PYM1: variants seen among roughly 807,000 people sequenced by gnomAD.
The protein encoded by PYM1 is partner of Y14 and mago.
PYM1 carries 7 observed loss-of-function variants against 20.7 expected under a neutral mutation model. That is an observed-to-expected ratio of 0.34 (90% CI 0.19 to 0.64). The LOEUF (loss-of-function observed/expected upper bound fraction) is 0.64, where lower values mean the gene tolerates loss of function less well. Ranked by LOEUF, PYM1 falls within the 30% of genes least tolerant of loss-of-function variation. The probability of loss-of-function intolerance (pLI) is 0.74; values close to 1 mark genes in which losing one functional copy is unlikely to be tolerated. For synonymous variants in PYM1, 100 were observed against 99.2 expected (o/e 1.01, Z -0.05); for missense variants, 194 against 250.0 (o/e 0.78, Z 1.51).
chr12:55,917,513 T>C (rs1486119119), intron 1 of PYM1, among the ~76,000 whole-genome samples: 1 of 152,160 alleles, frequency 6.6e-6, no homozygotes, highest in Non-Finnish European at 1.5e-5. Context: ...TGGATGCAGC[T>C]GAGGGCCATT....
intron 1 of PYM1, among the ~76,000 whole-genome samples, chr12:55,909,129 G>C (rs1407619436): frequency 6.6e-6 from 1 of 152,102 alleles, no homozygotes; most frequent in Non-Finnish European, 1.5e-5. Flanking sequence ...GGACTTTACT[G>C]GGTGAGTAAA....
At chr12:55,915,213 TAA>T (rs1174981358) in intron 1 of PYM1, among the ~76,000 whole-genome samples, 6 of 48,978 alleles carry the variant, frequency 1.2e-4, no homozygotes, top group South Asian at 1.1e-3. Flanking sequence ...AGACTCTGCC[TAA>T]AAAAAAAAAA....
intron 1 of PYM1, chr12:55,927,142 G>A (rs1468875969): frequency 1.3e-6 from 2 of 1,551,368 alleles, no homozygotes; most frequent in African/African-American, 2.7e-5. Flanking sequence ...GGCGTGAGCG[G>A]GCTGGGGTCC....
intron 1 of PYM1, among the ~76,000 whole-genome samples, chr12:55,917,659 G>C (rs942748733): frequency 6.6e-6 from 1 of 151,836 alleles, no homozygotes; most frequent in African/African-American, 2.4e-5. Flanking sequence ...GGCGGGCACG[G>C]GTTTAAAAAC....
intron 1 of PYM1, among the ~76,000 whole-genome samples, chr12:55,921,539 T>C (rs1246199200): frequency 6.6e-6 from 1 of 151,710 alleles, no homozygotes; most frequent in Non-Finnish European, 1.5e-5. Flanking sequence ...TAAAAAAAAA[T>C]ACTCCCATAG....
chr12:55,918,092 C>CTTTTTTTTTTTTTTTTTTTTT (rs1370515001), intron 1 of PYM1, among the ~76,000 whole-genome samples: 1 of 143,412 alleles, frequency 7.0e-6, no homozygotes. Context: ...TACACATTTT[C>CTTTTTTTTTTTTTTTTTTTTT]TTTTTTTTTT....
chr12:55,926,884 A>G (rs1461401393), intron 1 of PYM1, among the ~76,000 whole-genome samples: 2 of 152,180 alleles, frequency 1.3e-5, no homozygotes, highest in African/African-American at 4.8e-5. Flanking sequence ...GGTGACCGGA[A>G]GCAGAGACCC....
intron 1 of PYM1, among the ~76,000 whole-genome samples, chr12:55,923,986 G>A (rs1389602252): frequency 6.6e-6 from 1 of 151,562 alleles, no homozygotes; most frequent in South Asian, 2.1e-4. Context: ...TGAGGCAGAA[G>A]AATCACTTGA....
chr12:55,901,779 G>T lies in PYM1; in HGVS notation c.*93C>A, dbSNP rs115925462. On this transcript the variant is annotated 3_prime_UTR_variant, in exon 3 of 3. Coordinates refer to ENST00000408946, the MANE Select transcript of PYM1 (RefSeq NM_032345.3). ...GAGGTGGAAGTAAGCCAGTATGGGG[G>T]GTACCCCTCCTGACTGCTGTTGCCC... 7.4e-4 allele frequency: 1,111 copies of T among 1,500,186 alleles called. 11 individuals carry two copies. In the African/African-American group the frequency reaches 0.014, roughly 19 times the overall value. 92.9% of individuals were successfully genotyped at this position (1,500,186 alleles called of 1,614,324 possible). A position where few individuals can be genotyped will look rare whatever the true frequency, so the allele number is the denominator to read the frequency against.
At chr12:55,909,791 T>A (rs1308849614) in intron 1 of PYM1, among the ~76,000 whole-genome samples, 2 of 152,298 alleles carry the variant, frequency 1.3e-5, no homozygotes, top group Non-Finnish European at 2.9e-5. Context: ...TTCAGTACAC[T>A]TTTTATTTTA....
At position 55,927,372 on chromosome 12, in the gene PYM1, C is replaced by T. The variant is rs925308906; in HGVS notation, c.37+353G>A. On this transcript the variant is annotated intron_variant, in intron 1 of 2. Transcript: ENST00000408946. ...AGTCCTCAGGGAGCCAAGAGAAGTT[C>T]CGAGGCACAGTCCCTCTCATCCCCA... 6.9e-6 allele frequency: 5 copies of T among 720,720 alleles called. No homozygotes were observed. In the African/African-American group the frequency reaches 8.7e-5, roughly 13 times the overall value. 44.6% of individuals were successfully genotyped at this position (720,720 alleles called of 1,614,324 possible). A position where few individuals can be genotyped will look rare whatever the true frequency, so the allele number is the denominator to read the frequency against.
rs139054187 is a variant in PYM1, at chr12:55,914,194, A to G, written c.38-10714T>C. On this transcript the variant is annotated intron_variant, in intron 1 of 2. Coordinates refer to ENST00000408946, the MANE Select transcript of PYM1 (RefSeq NM_032345.3). ...AGGACTAAAGATAGACTGTAATGAA[A>G]GGCAGAGCAGAAGCTTCTTGAATGG... 2.3e-3 allele frequency: 1,537 copies of G among 666,462 alleles called. 23 individuals carry two copies. The African/African-American group carries it at 0.024, about 10-fold the overall frequency. 41.3% of individuals were successfully genotyped at this position (666,462 alleles called of 1,614,324 possible).
chr12:55,904,922 T>C (rs1882765718), intron 1 of PYM1, among the ~76,000 whole-genome samples: 1 of 152,040 alleles, frequency 6.6e-6, no homozygotes, highest in African/African-American at 2.4e-5. Context: ...GTAGTGGTCC[T>C]CTAACTTTTT....
In PYM1 at chr12:55,904,750, G is replaced by A. The variant is rs980084243; in HGVS notation, c.38-1270C>T. Among the ~76,000 whole-genome samples the A allele has an allele frequency of 8.6e-5, 13 of 151,790 alleles. No homozygotes were observed. In the East Asian group the frequency reaches 1.6e-3, roughly 18 times the overall value. ...AAATTAGCCGGGTGTGATGGCACAC[G>A]TCTGTAATCCCAGCTACTGGGGAGG... On this transcript the variant is annotated intron_variant, in intron 1 of 2. Transcript: ENST00000408946.
At position 55,907,945 on chromosome 12, in the gene PYM1, T is replaced by TA. The variant is rs1198022538; in HGVS notation, c.38-4466dup. ...AGAGCGAGACTCCGTCTCAAAAAAA[T>TA]AAAAAATAAAAAATAAGGCTGGGCA... On this transcript the variant is annotated intron_variant, in intron 1 of 2. Coordinates refer to ENST00000408946, the MANE Select transcript of PYM1 (RefSeq NM_032345.3). Among the ~76,000 whole-genome samples, 48 of 136,570 alleles carry TA rather than the reference T, an allele frequency of 3.5e-4. 1 individual carries two copies. Among genetic ancestry groups the TA allele is most frequent in the African/African-American group, 1.3e-3 (47 of 35,678 alleles). The allele number at this position is 136,570 out of a possible 152,430, so 89.6% of individuals were successfully genotyped here. A position where few individuals can be genotyped will look rare whatever the true frequency, so the allele number is the denominator to read the frequency against.
chr12:55,920,204 TA>T (rs970381560), intron 1 of PYM1, among the ~76,000 whole-genome samples: 203 of 141,178 alleles, frequency 1.4e-3, no homozygotes, highest in Admixed American at 1.8e-3. Context: ...CTTGTCTCTT[TA>T]AAAAAAAAAA....
intron 1 of PYM1, among the ~76,000 whole-genome samples, chr12:55,917,107 TA>T (rs199558413): frequency 2.1e-5 from 3 of 142,554 alleles, no homozygotes; most frequent in Non-Finnish European, 4.6e-5. Flanking sequence ...GTCTCAAAAA[TA>T]AAAAAAAATT....
chr12:55,924,154 GAT>G (rs1883149742), intron 1 of PYM1, among the ~76,000 whole-genome samples: 1 of 151,982 alleles, frequency 6.6e-6, no homozygotes, highest in African/African-American at 2.4e-5. Flanking sequence ...CAGAAATAGT[GAT>G]GGAAAAACTG....
intron 1 of PYM1, among the ~76,000 whole-genome samples, chr12:55,920,529 T>C (rs1431702557): frequency 6.6e-6 from 1 of 150,838 alleles, no homozygotes; most frequent in Non-Finnish European, 1.5e-5. Flanking sequence ...TTCCAGCTAC[T>C]CGGGAGGCTG....
Sources: allele counts gnomAD v4.1 joint callset (sites outside exome capture counted in the v4.1 genomes callset), GRCh38; gene constraint gnomAD v4.1.1; transcripts MANE v1.5; gene names NCBI Gene and HGNC (gene_info 2026-07-23, HGNC 2026-07-21).